Variants in SNX25 observed in about 807,000 individuals in gnomAD.
SNX25 encodes the protein sorting nexin-25.
SNX25 carries 62 observed loss-of-function variants against 113.7 expected under a neutral mutation model. The ratio of observed to expected loss-of-function variants is 0.55; its 90% CI spans 0.44 to 0.67. The LOEUF is 0.67. Ranked by LOEUF, SNX25 falls within the 30% of genes least tolerant of loss-of-function variation. The pLI, the probability that SNX25 is intolerant of heterozygous loss-of-function variation, is 0.00. For missense variants in SNX25, 1,014 were observed against 1,161.0 expected, an observed-to-expected ratio of 0.87 and a Z score of 1.84; for synonymous variants, 421 against 436.2, an observed-to-expected ratio of 0.97 and a Z score of 0.43.
chr4:185,318,044 TAAAA>T (rs578248202), intron 7 of SNX25, among the ~76,000 whole-genome samples: 1 of 151,640 alleles, frequency 6.6e-6, no homozygotes, highest in Admixed American at 6.6e-5. Context: ...TCAGAAAAAA[TAAAA>T]AAGAAAGAAA....
chr4:185,239,437 C>T (rs1015099070), intron 1 of SNX25, among the ~76,000 whole-genome samples: 4 of 151,504 alleles, frequency 2.6e-5, no homozygotes, highest in East Asian at 1.9e-4. Context: ...GAGCTGAGAT[C>T]GCACCGCTGC....
intron 1 of SNX25, among the ~76,000 whole-genome samples, chr4:185,241,835 A>G (rs1393571674): frequency 6.6e-6 from 1 of 152,162 alleles, no homozygotes; most frequent in South Asian, 2.1e-4. Context: ...GGTTGTCTTT[A>G]CCTGAAGCCT....
At chr4:185,373,202 C>T (rs902504474), downstream of SNX25, 2 of 907,544 alleles carry the variant, frequency 2.2e-6, no homozygotes, top group Admixed American at 2.6e-5. Context: ...TAGGAAAGAG[C>T]GGTAGGCCTT....
rs894658333 is a variant in SNX25, at chr4:185,264,440, A to G, written c.734A>G (p.His245Arg). Residue 245 changes from histidine (H) to arginine (R), a missense_variant and splice_region_variant, in exon 4 of 19, where the codon CAT (histidine) becomes CGT (arginine). Transcript: ENST00000652585. ...TCTTTTTCACTCTCTTTATTTAGAC[A>G]TGAAGAACAGCCAAGACCTTTTGTG... ...FCDLKAANAR[H>R]EEQPRPFVLH... 1 of 1,612,362 alleles carries G rather than the reference A, an allele frequency of 6.2e-7. No individual in the cohort carries two copies. The highest frequency in any genetic ancestry group is 8.5e-7 in the Non-Finnish European group (1 of 1,179,616).
At chr4:185,370,367 C>T (rs143654025), downstream of SNX25, among the ~76,000 whole-genome samples, 18 of 152,250 alleles carry the variant, frequency 1.2e-4, no homozygotes, top group East Asian at 3.5e-3. Context: ...GCTTTAAGGT[C>T]TTGGTGCTGG....
downstream of SNX25, chr4:185,367,279 A>C: frequency 6.4e-7 from 1 of 1,552,488 alleles, no homozygotes; most frequent in Non-Finnish European, 8.8e-7. Context: ...ATTTAGATAC[A>C]TTCTAATTGT....
chr4:185,263,701 C>T (rs1034338150), intron 3 of SNX25, among the ~76,000 whole-genome samples: 11 of 152,170 alleles, frequency 7.2e-5, no homozygotes, highest in African/African-American at 2.7e-4. Flanking sequence ...TTGTTAGCTA[C>T]TAGTTACTGT....
At chr4:185,212,491 G>GTTTTTGTTTTT (rs59085661) in intron 1 of SNX25, among the ~76,000 whole-genome samples, 2,353 of 104,682 alleles carry the variant, frequency 0.022, 60 homozygotes, top group Non-Finnish European at 0.034. Context: ...GTGTGTGTGT[G>GTTTTTGTTTTT]TTTTTTTTTT....
At chr4:185,312,675 ACCACAC>A (rs965801479) in intron 7 of SNX25, among the ~76,000 whole-genome samples, 4 of 151,846 alleles carry the variant, frequency 2.6e-5, no homozygotes, top group African/African-American at 9.7e-5. Context: ...GACGCCCGCC[ACCACAC>A]CCAGCTAAAT....
chr4:185,371,946 G>A (rs572704647), downstream of SNX25, among the ~76,000 whole-genome samples: 2 of 152,306 alleles, frequency 1.3e-5, no homozygotes, highest in South Asian at 4.1e-4. Context: ...CGCAGAGTCT[G>A]ATGGCCACTC....
upstream of SNX25, among the ~76,000 whole-genome samples, chr4:185,208,866 C>G (rs964668620): frequency 6.6e-6 from 1 of 152,212 alleles, no homozygotes; most frequent in Non-Finnish European, 1.5e-5. Flanking sequence ...ATCTACTTAG[C>G]AAGCGTTATC....
chr4:185,292,227 C>T (rs1319442917), intron 6 of SNX25, among the ~76,000 whole-genome samples: 1 of 152,072 alleles, frequency 6.6e-6, no homozygotes, highest in African/African-American at 2.4e-5. Flanking sequence ...TCCATGGAAT[C>T]AGTGCTCTCG....
intron 3 of SNX25, among the ~76,000 whole-genome samples, chr4:185,261,682 TAGAAAC>T (rs1419358008): frequency 1.3e-5 from 2 of 152,216 alleles, no homozygotes; most frequent in Admixed American, 6.5e-5. Context: ...ATCAGAATAA[TAGAAAC>T]AGAAAGTGAT....
chr4:185,335,673 T>G (rs1192342902), intron 10 of SNX25, among the ~76,000 whole-genome samples: 3 of 152,128 alleles, frequency 2.0e-5, no homozygotes, highest in Non-Finnish European at 4.4e-5. Context: ...GTTTTTTGCC[T>G]CCACAGAGAT....
the SNX25 span, chr4:185,375,505 T>TATAC: frequency 7.3e-5 from 5 of 68,826 alleles, no homozygotes; most frequent in Non-Finnish European, 1.2e-4. Flanking sequence ...TATATATATA[T>TATAC]ATATATATAT....
chr4:185,248,795 A>G (rs2126490227), intron 2 of SNX25, among the ~76,000 whole-genome samples: 1 of 152,342 alleles, frequency 6.6e-6, no homozygotes, highest in African/African-American at 2.4e-5. Context: ...AAAATAGAGA[A>G]CATTTCCATC....
chr4:185,322,378 G>C (rs1158176943), intron 8 of SNX25, among the ~76,000 whole-genome samples: 1 of 152,150 alleles, frequency 6.6e-6, no homozygotes, highest in African/African-American at 2.4e-5. Context: ...GTTGCAGTAA[G>C]CCGAGATCAC....
intron 15 of SNX25, among the ~76,000 whole-genome samples, chr4:185,354,303 A>C (rs990672048): frequency 6.6e-6 from 1 of 152,214 alleles, no homozygotes; most frequent in Non-Finnish European, 1.5e-5. Context: ...TGGTGTTAGG[A>C]TAATTCCATG....
At chr4:185,350,917 G>A (rs2095311940) in intron 13 of SNX25, among the ~76,000 whole-genome samples, 1 of 152,190 alleles carries the variant, frequency 6.6e-6, no homozygotes, top group Non-Finnish European at 1.5e-5. Flanking sequence ...CGCACTGCCT[G>A]GAAAGTGGCA....
Sources: allele counts gnomAD v4.1 joint callset (sites outside exome capture counted in the v4.1 genomes callset), GRCh38; gene constraint gnomAD v4.1.1; transcripts MANE v1.5; gene names NCBI Gene and HGNC (gene_info 2026-07-23, HGNC 2026-07-21).